Variants in PMFBP1 observed in about 807,000 individuals in gnomAD.
The protein encoded by PMFBP1 is polyamine modulated factor 1 binding protein 1, also known as polyamine-modulated factor 1-binding protein 1.
Under a neutral mutation model 137.8 loss-of-function variants are expected in PMFBP1, and 131 were observed. The observed-to-expected ratio is 0.95, with a 90% CI of 0.82 to 1.10. The LOEUF (loss-of-function observed/expected upper bound fraction) is 1.10. Among genes scored for constraint, PMFBP1 ranks in the 50% least tolerant of loss-of-function variants. PMFBP1 has a pLI of 0.00. For missense variants in PMFBP1, 1,199 were observed against 1,175.4 expected (o/e 1.02, Z -0.29); for synonymous variants, 490 against 450.4 (o/e 1.09, Z -1.11).
chr16:72,136,576 C>T lies in PMFBP1; in HGVS notation c.1075G>A (p.Gly359Arg), dbSNP rs745719555. The T allele has an allele frequency of 1.4e-5, 23 of 1,614,008 alleles. No individual in the cohort carries two copies. The Middle Eastern group carries it at 9.9e-4, about 69-fold the overall frequency. Residue 359 changes from glycine (G) to arginine (R), a missense_variant, in exon 9 of 21, where the codon GGA (glycine) becomes AGA (arginine). Transcript: ENST00000237353. ...DMMKLELDLH[G>R]LREETSAHIE... is the part of the protein sequence containing the mutation. ...TGGGCAGATGTCTCCTCCCGCAGTC[C>T]GTGCAGGTCCAGCTCCAGCTTCATC...
At chr16:72,238,213 T>C in the PMFBP1 span, among the ~76,000 whole-genome samples, 2 of 152,234 alleles carry the variant, frequency 1.3e-5, no homozygotes, top group African/African-American at 4.8e-5. Context: ...TTTAGGTCTT[T>C]GAGGAGTTGC....
Position 72,119,255 on chromosome 16 carries a change from G to A in PMFBP1, c.*83C>T. ...ATATACTCCTGTAAGAGCTGATCCAGGTCAAGAGAGAGGGAGGGCTGGGAA... is the reference window on the plus strand; with the variant it reads ...ATATACTCCTGTAAGAGCTGATCCAAGTCAAGAGAGAGGGAGGGCTGGGAA... On this transcript the variant is annotated 3_prime_UTR_variant, in exon 21 of 21. Coordinates refer to ENST00000237353, the MANE Select transcript of PMFBP1 (RefSeq NM_031293.3). 1 of 1,471,492 alleles carries A rather than the reference G, an allele frequency of 6.8e-7. No individual in the cohort carries two copies. 91.2% of individuals were successfully genotyped at this position (1,471,492 alleles called of 1,614,324 possible).
the PMFBP1 span, among the ~76,000 whole-genome samples, chr16:72,198,360 A>C: frequency 1.1e-4 from 16 of 152,332 alleles, no homozygotes; most frequent in African/African-American, 3.8e-4. Flanking sequence ...TGCAGATTTT[A>C]ATCTTACTCA....
At chr16:72,151,786 C>G (rs1389966685) in intron 4 of PMFBP1, among the ~76,000 whole-genome samples, 1 of 152,142 alleles carries the variant, frequency 6.6e-6, no homozygotes, top group Non-Finnish European at 1.5e-5. Context: ...CAGCCCATAT[C>G]CCCTGGGCAC....
intron 5 of PMFBP1, among the ~76,000 whole-genome samples, chr16:72,146,623 C>A (rs1467431094): frequency 1.3e-5 from 2 of 152,158 alleles, no homozygotes; most frequent in South Asian, 2.1e-4. Flanking sequence ...ATTTAGAAAA[C>A]CCCATCGTCT....
upstream of PMFBP1, among the ~76,000 whole-genome samples, chr16:72,181,755 G>C (rs2043276962): frequency 6.6e-6 from 1 of 152,178 alleles, no homozygotes; most frequent in Admixed American, 6.5e-5. Context: ...ATGCCAACAT[G>C]TATTAGTTTA....
intron 5 of PMFBP1, among the ~76,000 whole-genome samples, chr16:72,148,934 G>T (rs1158092509): frequency 2.0e-5 from 3 of 152,186 alleles, no homozygotes; most frequent in Non-Finnish European, 4.4e-5. Context: ...ATGACATGGA[G>T]GCTTAAAGGC....
the PMFBP1 span, among the ~76,000 whole-genome samples, chr16:72,243,954 C>G: frequency 2.9e-4 from 44 of 152,218 alleles, no homozygotes; most frequent in Admixed American, 2.9e-3. Context: ...CCTTCGACTT[C>G]GTTAACAAAC....
intron 2 of PMFBP1, among the ~76,000 whole-genome samples, chr16:72,170,589 C>A (rs960574257): frequency 1.3e-5 from 2 of 152,242 alleles, no homozygotes; most frequent in Admixed American, 6.5e-5. Flanking sequence ...GCCACCACAC[C>A]TGGCTAATTT....
At chr16:72,142,810 A>T (rs2042743217) in intron 5 of PMFBP1, among the ~76,000 whole-genome samples, 1 of 152,210 alleles carries the variant, frequency 6.6e-6, no homozygotes, top group Admixed American at 6.5e-5. Context: ...CTATATATAC[A>T]CAGTGGCAGA....
At chr16:72,181,488 C>G (rs1441717675), upstream of PMFBP1, among the ~76,000 whole-genome samples, 1 of 152,124 alleles carries the variant, frequency 6.6e-6, no homozygotes, top group Non-Finnish European at 1.5e-5. Flanking sequence ...ATCTGAGAGT[C>G]AACTCAAACA....
chr16:72,190,991 A>G, the PMFBP1 span, among the ~76,000 whole-genome samples: 1 of 152,320 alleles, frequency 6.6e-6, no homozygotes, highest in Non-Finnish European at 1.5e-5. Flanking sequence ...ATATTATGAA[A>G]AAAGAACATG....
At chr16:72,164,721 A>C (rs2043118413) in intron 3 of PMFBP1, 43 bp downstream of exon 3, 1 of 1,551,454 alleles carries the variant, frequency 6.4e-7, no homozygotes, top group Non-Finnish European at 8.7e-7. Context: ...CAGAGGCAGA[A>C]GTCAAGAGAG....
the PMFBP1 span, among the ~76,000 whole-genome samples, chr16:72,216,283 A>G: frequency 6.6e-6 from 1 of 152,202 alleles, no homozygotes; most frequent in Non-Finnish European, 1.5e-5. Context: ...ATTAGGCAGA[A>G]ATGATTTTAT....
At chr16:72,208,361 C>G in the PMFBP1 span, among the ~76,000 whole-genome samples, 2 of 110,760 alleles carry the variant, frequency 1.8e-5, no homozygotes, top group South Asian at 6.1e-4. Context: ...TCTGAATGGG[C>G]AGCAGGGTTA....
At chr16:72,170,272 A>C (rs2043202279) in intron 2 of PMFBP1, among the ~76,000 whole-genome samples, 1 of 151,580 alleles carries the variant, frequency 6.6e-6, no homozygotes, top group Non-Finnish European at 1.5e-5. Flanking sequence ...TGGCTCCAGT[A>C]ATGCAGCAGG....
intron 3 of PMFBP1, among the ~76,000 whole-genome samples, chr16:72,158,795 A>G (rs1481202431): frequency 1.3e-5 from 2 of 152,126 alleles, no homozygotes; most frequent in Non-Finnish European, 2.9e-5. Flanking sequence ...GGAGTTCAAG[A>G]CCAGCCTGGG....
chr16:72,237,861 T>A, the PMFBP1 span, among the ~76,000 whole-genome samples: 2 of 152,190 alleles, frequency 1.3e-5, no homozygotes, highest in Non-Finnish European at 2.9e-5. Flanking sequence ...TGTGTTCTCA[T>A]CATTTAGATC....
At chr16:72,221,732 C>T in the PMFBP1 span, among the ~76,000 whole-genome samples, 2 of 152,198 alleles carry the variant, frequency 1.3e-5, no homozygotes, top group Non-Finnish European at 2.9e-5. Flanking sequence ...TAAACAGTTA[C>T]ACATCTTAGT....
Sources: allele counts gnomAD v4.1 joint callset (sites outside exome capture counted in the v4.1 genomes callset), GRCh38; gene constraint gnomAD v4.1.1; transcripts MANE v1.5; gene names NCBI Gene and HGNC (gene_info 2026-07-23, HGNC 2026-07-21).